The following ETNPPL variants were observed in gnomAD, a reference collection of about 807,000 sequenced individuals.
The protein encoded by ETNPPL is alanine--glyoxylate aminotransferase 2-like 1.
ETNPPL carries 30 observed loss-of-function variants against 55.5 expected under a neutral mutation model. The ratio of observed to expected loss-of-function variants is 0.54; its 90% CI spans 0.40 to 0.73. The LOEUF (loss-of-function observed/expected upper bound fraction) is 0.73, where lower values mean the gene tolerates loss of function less well. Among genes scored for constraint, ETNPPL ranks in the 30% least tolerant of loss-of-function variants. The pLI, the probability that ETNPPL is intolerant of heterozygous loss-of-function variation, is 0.00. For synonymous variants in ETNPPL, 202 were observed against 207.2 expected (o/e 0.98, Z 0.21); for missense variants, 528 against 607.9 (o/e 0.87, Z 1.38).
intron 2 of ETNPPL, 49 bp from the exon 3 acceptor site, chr4:108,759,957 G>T: frequency 6.4e-7 from 1 of 1,555,666 alleles, no homozygotes; most frequent in East Asian, 2.2e-5. Context: ...AATTCTAAGT[G>T]CCTGGGAATA....
chr4:108,758,331 A>G (rs905475022), intron 3 of ETNPPL, among the ~76,000 whole-genome samples: 3 of 152,198 alleles, frequency 2.0e-5, no homozygotes, highest in African/African-American at 2.4e-5. Flanking sequence ...ATATATCTAT[A>G]AAGCTTTCCC....
chr4:108,751,141 A>G (rs1011401374), intron 6 of ETNPPL, 123 bp from the exon 7 acceptor site: 18 of 536,400 alleles, frequency 3.4e-5, no homozygotes, highest in Admixed American at 1.5e-4. Flanking sequence ...CAAGTGGCAA[A>G]TTAGCCATTT....
At chr4:108,750,846 AT>A (rs1349928012) in intron 7 of ETNPPL, 89 bp downstream of exon 7, 1 of 967,626 alleles carries the variant, frequency 1.0e-6, no homozygotes, top group Non-Finnish European at 1.7e-6. Flanking sequence ...CTAATCAGGA[AT>A]TATTTTAATA....
Position 108,759,823 on chromosome 4 carries a change from G to A in ETNPPL, c.261C>T (p.Asn87=), listed in dbSNP as rs768217786. 3.2e-5 allele frequency: 51 copies of A among 1,614,002 alleles called. No homozygotes were observed. Among genetic ancestry groups the A allele is most frequent in the Non-Finnish European group, 3.7e-5 (44 of 1,179,984 alleles). Residue 87 remains asparagine, a synonymous_variant, in exon 3 of 13, where the codon AAC becomes AAT. Coordinates refer to ENST00000296486, the MANE Select transcript of ETNPPL (RefSeq NM_031279.4). ...LNTNSRFLHD[N]IVEYAKRLSA... ...AAAGGCGTTTGGCATACTCAACAAT[G>A]TTGTCGTGGAGGAATCGAGAATTTG...
chr4:108,747,030 GTTTTC>G (rs1457393952), intron 9 of ETNPPL, among the ~76,000 whole-genome samples, 179 bp from the exon 10 acceptor site: 1 of 148,126 alleles, frequency 6.8e-6, no homozygotes, highest in Non-Finnish European at 1.5e-5. Context: ...TTGTCATCCA[GTTTTC>G]TTTTCTCAAT....
intron 5 of ETNPPL, 39 bp downstream of exon 5, chr4:108,754,581 C>T: frequency 9.7e-7 from 1 of 1,032,422 alleles, no homozygotes; most frequent in Non-Finnish European, 1.5e-6. Context: ...AGCATTCCTC[C>T]AATACAAACA....
Position 108,760,273 on chromosome 4 carries a change from G to A in ETNPPL, c.90C>T (p.Pro30=). 6.2e-7 allele frequency: 1 copy of A among 1,611,054 alleles called. No individual in the cohort carries two copies. Among genetic ancestry groups the A allele is most frequent in the South Asian group, 1.1e-5 (1 of 90,732 alleles). ...PSCKVFFASD[P]IKIVRAQRQY... Reference sequence around the variant, plus strand: ...GCCTCTGGGCTCTCACTATTTTGATGGGATCCGATGCAAAGAAAACTTTGC... The same window carrying A: ...GCCTCTGGGCTCTCACTATTTTGATAGGATCCGATGCAAAGAAAACTTTGC... The change falls in exon 2 of 13, where the codon CCC becomes CCT. Residue 30 remains proline (P), a synonymous_variant. Transcript: ENST00000296486.
rs1054070923 is a variant in ETNPPL at position 108,762,974 on chromosome 4, T to C, written c.-76A>G. ...CCTCCTACGCGAGCCTGGGACTGCCTTGGCGGCCCCGGCCGGCCTTCCTCC... is the reference window on the plus strand; with the variant it reads ...CCTCCTACGCGAGCCTGGGACTGCCCTGGCGGCCCCGGCCGGCCTTCCTCC... On this transcript the variant is annotated 5_prime_UTR_variant, in exon 1 of 13. Transcript: ENST00000296486. 6.8e-6 allele frequency: 10 copies of C among 1,462,058 alleles called. No homozygotes were observed. The Admixed American group carries it at 1.4e-4, about 20-fold the overall frequency. The allele number at this position is 1,462,058 out of a possible 1,614,324, so 90.6% of individuals were successfully genotyped here. A position where few individuals can be genotyped will look rare whatever the true frequency, so the allele number is the denominator to read the frequency against.
chr4:108,746,408 T>A lies in ETNPPL; in HGVS notation c.1294A>T (p.Ile432Phe), dbSNP rs751302563. 1.2e-6 allele frequency: 2 copies of A among 1,613,072 alleles called. No individual in the cohort carries two copies. The highest frequency in any genetic ancestry group is 3.3e-5 in the Admixed American group (2 of 59,792). Residue 432 changes from isoleucine (I) to phenylalanine (F), a missense_variant, in exon 11 of 13, where the codon ATT (isoleucine) becomes TTT (phenylalanine). Ile to Phe is a conservative substitution (Grantham distance 21). Coordinates refer to ENST00000296486, the MANE Select transcript of ETNPPL (RefSeq NM_031279.4). Reference sequence around the variant, plus strand: ...AGATCCATGGACCCACCTGTTAGAATCCTATCAAGTTGGTCCACCATGAAC... The same window carrying A: ...AGATCCATGGACCCACCTGTTAGAAACCTATCAAGTTGGTCCACCATGAAC... ...AKFMVDQLDR[I>F]LTVLEEAMGT...
intron 8 of ETNPPL, among the ~76,000 whole-genome samples, 165 bp from the exon 9 acceptor site, chr4:108,748,324 T>C (rs981182702): frequency 3.3e-5 from 5 of 152,216 alleles, no homozygotes; most frequent in African/African-American, 1.2e-4. Context: ...CATGATTCTA[T>C]ATATTCAGGA....
At chr4:108,743,922 G>T (rs961427788) in intron 11 of ETNPPL, 66 bp from the exon 12 acceptor site, 70 of 1,071,260 alleles carry the variant, frequency 6.5e-5, no homozygotes, top group Non-Finnish European at 9.1e-5. Context: ...AAAACTTTTT[G>T]GTATCTTAGC....
At chr4:108,754,747 A>C in intron 4 of ETNPPL, 37 bp from the exon 5 acceptor site, 1 of 1,165,462 alleles carries the variant, frequency 8.6e-7, no homozygotes, top group Non-Finnish European at 1.3e-6. Context: ...TAATCAAAAT[A>C]ATTCCAAGAG....
chr4:108,743,895 A>AT (rs1302977401), intron 11 of ETNPPL, 39 bp from the exon 12 acceptor site: 1 of 1,417,776 alleles, frequency 7.1e-7, no homozygotes, highest in Admixed American at 2.0e-5. Flanking sequence ...ACAAAATAAC[A>AT]TAAAAACCTT....
Position 108,762,975 on chromosome 4 carries a change from T to A in ETNPPL, c.-77A>T. On this transcript the variant is annotated 5_prime_UTR_variant, in exon 1 of 13. Transcript: ENST00000296486. ...CTCCTACGCGAGCCTGGGACTGCCT[T>A]GGCGGCCCCGGCCGGCCTTCCTCCC... 6.9e-7 allele frequency: 1 copy of A among 1,453,232 alleles called. No homozygotes were observed. Among genetic ancestry groups the A allele is most frequent in the Non-Finnish European group, 9.6e-7 (1 of 1,040,888 alleles). 90.0% of individuals were successfully genotyped at this position (1,453,232 alleles called of 1,614,324 possible).
chr4:108,749,888 GT>G (rs1436926279), intron 7 of ETNPPL, among the ~76,000 whole-genome samples: 5 of 152,006 alleles, frequency 3.3e-5, no homozygotes, highest in Admixed American at 2.6e-4. Context: ...TTTTAAAAAG[GT>G]TTTGTAGAGA....
At chr4:108,753,770 A>AAGAAAGAG (rs1729036508) in intron 5 of ETNPPL, among the ~76,000 whole-genome samples, 1 of 131,006 alleles carries the variant, frequency 7.6e-6, no homozygotes, top group Non-Finnish European at 1.5e-5. Flanking sequence ...GAAAGAAAGA[A>AAGAAAGAG]AGAAAGAAAG....
Position 108,762,883 on chromosome 4 carries a change from T to G in ETNPPL, c.16A>C (p.Ser6Arg), listed in dbSNP as rs755033506. 1.2e-6 allele frequency: 2 copies of G among 1,614,102 alleles called. No individual in the cohort carries two copies. Among genetic ancestry groups the G allele is most frequent in the Middle Eastern group, 3.3e-4 (2 of 6,062 alleles). ...CTCAGCCCCAGAGTGTCCCGCTTACTGTACAGCTCGCACATGGTGGCGGGG... is the reference window on the plus strand; with the variant it reads ...CTCAGCCCCAGAGTGTCCCGCTTACGGTACAGCTCGCACATGGTGGCGGGG... MCELY[S>R]KRDTLGLRKK... Residue 6 changes from serine to arginine, a missense_variant, in exon 1 of 13, where the codon AGT (serine) becomes CGT (arginine). Coordinates refer to ENST00000296486, the MANE Select transcript of ETNPPL (RefSeq NM_031279.4).
intron 7 of ETNPPL, 31 bp from the exon 8 acceptor site, chr4:108,749,494 C>G (rs376564135): frequency 7.2e-6 from 11 of 1,538,114 alleles, no homozygotes; most frequent in Non-Finnish European, 1.8e-6. Context: ...CTAATGCCTT[C>G]AGGTCACTGA....
intron 2 of ETNPPL, 135 bp from the exon 3 acceptor site, chr4:108,760,043 G>T: frequency 1.8e-6 from 2 of 1,142,202 alleles, no homozygotes; most frequent in Non-Finnish European, 2.5e-6. Flanking sequence ...TCCATATTTT[G>T]CTGCGATTTT....
Sources: allele counts gnomAD v4.1 joint callset (sites outside exome capture counted in the v4.1 genomes callset), GRCh38; gene constraint gnomAD v4.1.1; transcripts MANE v1.5; gene names NCBI Gene and HGNC (gene_info 2026-07-23, HGNC 2026-07-21).